The following SHROOM4 variants were observed in gnomAD, a reference collection of about 807,000 sequenced individuals.
SHROOM4 encodes the protein shroom family member 4, also known as protein Shroom4.
SHROOM4 carries 17 observed loss-of-function variants against 80.3 expected under a neutral mutation model. The ratio of observed to expected loss-of-function variants is 0.21; its 90% confidence interval spans 0.14 to 0.32. SHROOM4 has a LOEUF of 0.32. SHROOM4 is among the 10% of genes least tolerant of loss of function. SHROOM4 has a pLI of 1.00. For missense variants in SHROOM4, 993 were observed against 1,140.3 expected, an observed-to-expected ratio of 0.87 and a Z score of 1.86; for synonymous variants, 400 against 437.5, an observed-to-expected ratio of 0.91 and a Z score of 1.07.
intron 2 of SHROOM4, among the ~76,000 whole-genome samples, chrX:50,652,065 T>C (rs964035697): frequency 6.2e-5 from 7 of 112,018 alleles, no homozygotes; most frequent in Admixed American, 9.5e-5. Context: ...GTCTTTACAG[T>C]AGAGTGACTT....
intron 1 of SHROOM4, among the ~76,000 whole-genome samples, chrX:50,738,338 G>A (rs1350937044): frequency 3.6e-5 from 4 of 110,739 alleles, no homozygotes; most frequent in Admixed American, 2.9e-4. Flanking sequence ...GGGCAATCAC[G>A]CAGGAGAAAG....
chrX:50,747,046 C>T (rs1171010699), intron 1 of SHROOM4, among the ~76,000 whole-genome samples: 1 of 111,603 alleles, frequency 9.0e-6, no homozygotes, highest in East Asian at 2.8e-4. Context: ...CCATTGTACA[C>T]AAGGGAAAGC....
intron 2 of SHROOM4, among the ~76,000 whole-genome samples, chrX:50,639,406 CTG>C (rs1931499074): frequency 9.0e-6 from 1 of 110,744 alleles, no homozygotes; most frequent in East Asian, 2.8e-4. Flanking sequence ...AGAGAAAACT[CTG>C]AGAAAGATTG....
At chrX:50,787,118 G>T (rs183486261) in intron 1 of SHROOM4, among the ~76,000 whole-genome samples, 1 of 109,920 alleles carries the variant, frequency 9.1e-6, no homozygotes, top group East Asian at 2.9e-4. Flanking sequence ...TACATGGGAG[G>T]CTGAGATGGG....
intron 1 of SHROOM4, among the ~76,000 whole-genome samples, chrX:50,702,454 C>CA (rs1183666785): frequency 9.0e-6 from 1 of 111,097 alleles, no homozygotes; most frequent in Non-Finnish European, 1.9e-5. Flanking sequence ...CATACACATA[C>CA]AAAAAATGAC....
intron 6 of SHROOM4, among the ~76,000 whole-genome samples, chrX:50,604,483 A>G (rs1284496306): frequency 8.9e-6 from 1 of 111,886 alleles, no homozygotes; most frequent in Non-Finnish European, 1.9e-5. Flanking sequence ...ATCATATAAA[A>G]GCCTACATGT....
At chrX:50,601,170 T>C (rs1557247581) in intron 7 of SHROOM4, among the ~76,000 whole-genome samples, 1 of 112,090 alleles carries the variant, frequency 8.9e-6, no homozygotes, top group Non-Finnish European at 1.9e-5. Context: ...ATTCCTCACC[T>C]TTCTTCCTCA....
chrX:50,727,630 C>T (rs1399266975), intron 1 of SHROOM4, among the ~76,000 whole-genome samples: 4 of 112,071 alleles, frequency 3.6e-5, no homozygotes, highest in Non-Finnish European at 7.5e-5. Flanking sequence ...TCTGCTGCCA[C>T]GTAAGATGTT....
downstream of SHROOM4, among the ~76,000 whole-genome samples, chrX:50,583,749 A>AGCTG (rs1928706994): frequency 9.0e-6 from 1 of 111,335 alleles, no homozygotes; most frequent in African/African-American, 3.3e-5. Flanking sequence ...TGGCCACAAG[A>AGCTG]AAATGTATCT....
intron 1 of SHROOM4, among the ~76,000 whole-genome samples, chrX:50,795,892 A>G (rs1399314339): frequency 8.9e-6 from 1 of 112,078 alleles, no homozygotes; most frequent in East Asian, 2.8e-4. Context: ...TACATGTAAA[A>G]TCACTTAGAA....
intron 1 of SHROOM4, among the ~76,000 whole-genome samples, chrX:50,807,503 TC>T (rs1936250545): frequency 8.9e-6 from 1 of 112,081 alleles, no homozygotes; most frequent in Non-Finnish European, 1.9e-5. Context: ...AGACAACTAT[TC>T]TTTCCAGAAG....
In SHROOM4 at chrX:50,795,040, CAT is replaced by C. The variant is rs58909385; in HGVS notation, c.117+18860_117+18861del. Among the ~76,000 whole-genome samples, 22 of 6,230 alleles carry C rather than the reference CAT, an allele frequency of 3.5e-3. 1 individual carries two copies. Among genetic ancestry groups the C allele is most frequent in the African/African-American group, 4.4e-3 (22 of 4,953 alleles). The allele number at this position is 6,230 out of a possible 115,157, so 5.4% of individuals were successfully genotyped here. On this transcript the variant is annotated intron_variant, in intron 1 of 8. Transcript: ENST00000376020. ...ATCTTTATATATATCATATATATCT[CAT>C]ATATATATGATATATATATGATATA...
Position 50,638,321 on chromosome X carries a change from A to G in SHROOM4, c.270-13T>C, listed in dbSNP as rs1931448409. The stretch of plus-strand genomic sequence containing the variant: ...AGGGGCGTTCCTCCTACAGCAAGAA[A>G]GGGACAGGAAGTGGGCTGAAGGAAC... On this transcript the variant is annotated splice_polypyrimidine_tract_variant and intron_variant, in intron 2 of 8. Coordinates refer to ENST00000376020, the MANE Select transcript of SHROOM4 (RefSeq NM_020717.5). 2 of 1,210,081 alleles carry G rather than the reference A, an allele frequency of 1.7e-6. No individual in the cohort carries two copies. The highest frequency in any genetic ancestry group is 2.2e-6 in the Non-Finnish European group (2 of 895,053).
intron 1 of SHROOM4, among the ~76,000 whole-genome samples, chrX:50,749,661 G>A (rs1260330161): frequency 1.8e-5 from 2 of 111,872 alleles, no homozygotes; most frequent in African/African-American, 6.5e-5. Flanking sequence ...GTACATTCTA[G>A]CAAAGGGTAC....
Position 50,588,590 on chromosome X carries a change from C to T in SHROOM4, c.*8105G>A, listed in dbSNP as rs1928805973. ...CCAGTGTCCAGGCTTGGAACTGCCT[C>T]TGTAAGAGAAGGATTACTATCCTCA... On this transcript the variant is annotated 3_prime_UTR_variant, in exon 9 of 9. Coordinates refer to ENST00000376020, the MANE Select transcript of SHROOM4 (RefSeq NM_020717.5). 8.9e-6 allele frequency among the ~76,000 whole-genome samples: 1 copy of T among 111,776 alleles called. No individual in the cohort carries two copies. The highest frequency in any genetic ancestry group is 3.3e-5 in the African/African-American group (1 of 30,745).
chrX:50,755,884 T>G (rs1382003845), intron 1 of SHROOM4, among the ~76,000 whole-genome samples: 1 of 111,358 alleles, frequency 9.0e-6, no homozygotes, highest in Non-Finnish European at 1.9e-5. Context: ...AAATAGAAAT[T>G]CATGAGCTAT....
rs782320868 is a variant in SHROOM4, at chrX:50,772,245, CAT to C, written c.117+41655_117+41656del. Among the ~76,000 whole-genome samples the C allele has an allele frequency of 5.3e-4, 59 of 111,755 alleles. 1 individual carries two copies. The highest frequency in any genetic ancestry group is 4.2e-3 in the Admixed American group (44 of 10,521). ...CGGTCATTTTGGAAAGGAGAGAAAA[CAT>C]GTGGTAACAACAATAATAGTAGCTA... On this transcript the variant is annotated intron_variant, in intron 1 of 8. Transcript: ENST00000376020.
At position 50,607,843 on chromosome X, in the gene SHROOM4, G is replaced by A; in HGVS notation, c.3299C>T (p.Pro1100Leu). Reference sequence around the variant, plus strand: ...GTTGGGAGGAGGAGGGCGAGGAGGAGGAAAGGCCTTCTTCCTGGCTCCGAG... The same window carrying A: ...GTTGGGAGGAGGAGGGCGAGGAGGAAGAAAGGCCTTCTTCCTGGCTCCGAG... ...DLLGARKKAF[P>L]PPRPPPPNWE... The change falls in exon 6 of 9, where the codon CCT (proline) becomes CTT (leucine). Residue 1100 changes from proline (P) to leucine (L), a missense_variant. Coordinates refer to ENST00000376020, the MANE Select transcript of SHROOM4 (RefSeq NM_020717.5). 8.3e-7 allele frequency: 1 copy of A among 1,209,870 alleles called. No homozygotes were observed. Among genetic ancestry groups the A allele is most frequent in the African/African-American group, 1.7e-5 (1 of 57,708 alleles).
chrX:50,654,569 T>G (rs1247911464), intron 2 of SHROOM4, among the ~76,000 whole-genome samples: 1 of 110,817 alleles, frequency 9.0e-6, no homozygotes, highest in Non-Finnish European at 1.9e-5. Context: ...AGATCTACTC[T>G]CTTAGCAATT....
Sources: allele counts gnomAD v4.1 joint callset (sites outside exome capture counted in the v4.1 genomes callset), GRCh38; gene constraint gnomAD v4.1.1; transcripts MANE v1.5; gene names NCBI Gene and HGNC (gene_info 2026-07-23, HGNC 2026-07-21).